Variants in SCFD2 observed in about 807,000 individuals in gnomAD.
SCFD2 encodes sec1 family domain-containing protein 2.
Under a neutral mutation model 58.9 loss-of-function variants are expected in SCFD2, and 54 were observed. The observed-to-expected ratio is 0.92, with a 90% confidence interval of 0.74 to 1.15. SCFD2 has a LOEUF of 1.15. SCFD2 is among the 50% of genes most tolerant of loss of function. The pLI is 0.00. For synonymous variants in SCFD2, 321 were observed against 335.9 expected (o/e 0.96, Z 0.49); for missense variants, 805 against 836.6 (o/e 0.96, Z 0.47).
chr4:53,004,244 G>A (rs1721923159), intron 5 of SCFD2, among the ~76,000 whole-genome samples: 1 of 152,176 alleles, frequency 6.6e-6, no homozygotes, highest in Non-Finnish European at 1.5e-5. Context: ...AATCCAGTGG[G>A]TATCTCAGCT....
intron 2 of SCFD2, among the ~76,000 whole-genome samples, chr4:53,346,905 C>T (rs141306420): frequency 6.6e-6 from 1 of 152,236 alleles, no homozygotes; most frequent in East Asian, 1.9e-4. Context: ...TTTATTTAAG[C>T]CCAATGTCTA....
At chr4:52,891,464 C>T (rs1049020666) in intron 7 of SCFD2, among the ~76,000 whole-genome samples, 12 of 152,098 alleles carry the variant, frequency 7.9e-5, no homozygotes, top group African/African-American at 2.9e-4. Flanking sequence ...AGGCAGAAGC[C>T]CCATTTCACA....
At chr4:53,245,306 G>A (rs1273949168) in intron 4 of SCFD2, among the ~76,000 whole-genome samples, 2 of 151,984 alleles carry the variant, frequency 1.3e-5, no homozygotes, top group Non-Finnish European at 2.9e-5. Context: ...ATCAAAAAAA[G>A]GGGAAAACTT....
chr4:53,154,325 G>C (rs991693421), intron 4 of SCFD2, among the ~76,000 whole-genome samples: 3 of 152,214 alleles, frequency 2.0e-5, no homozygotes, highest in African/African-American at 7.2e-5. Flanking sequence ...CATGGTAGAA[G>C]GCAAAGAGTG....
intron 4 of SCFD2, among the ~76,000 whole-genome samples, chr4:53,252,279 G>A (rs1217204563): frequency 6.8e-6 from 1 of 147,562 alleles, no homozygotes; most frequent in East Asian, 2.0e-4. Flanking sequence ...TGGGTAGGAA[G>A]AATCAATATC....
chr4:53,335,194 C>CAAAAAAAAAAAAAAAAA, intron 2 of SCFD2, among the ~76,000 whole-genome samples: 96 of 80,412 alleles, frequency 1.2e-3, no homozygotes, highest in Non-Finnish European at 1.7e-3. Flanking sequence ...GACTCCGTCT[C>CAAAAAAAAAAAAAAAAA]AAAAAAAAAA....
At chr4:52,932,463 T>A (rs1440687480) in intron 5 of SCFD2, among the ~76,000 whole-genome samples, 2 of 152,236 alleles carry the variant, frequency 1.3e-5, no homozygotes, top group Non-Finnish European at 1.5e-5. Flanking sequence ...AAATCTTTTT[T>A]TTCCATTATG....
At chr4:52,893,234 TTC>T (rs150709202) in intron 7 of SCFD2, among the ~76,000 whole-genome samples, 8 of 151,022 alleles carry the variant, frequency 5.3e-5, no homozygotes, top group African/African-American at 1.5e-4. Context: ...TTTCCCTTCT[TTC>T]TCTCTCTCTC....
intron 4 of SCFD2, among the ~76,000 whole-genome samples, chr4:53,238,647 G>A (rs2149021110): frequency 6.6e-6 from 1 of 152,038 alleles, no homozygotes; most frequent in Admixed American, 6.5e-5. Flanking sequence ...TCTCAGACGG[G>A]GTGGCCGGGC....
chr4:53,291,125 T>C (rs552728351), intron 3 of SCFD2, among the ~76,000 whole-genome samples: 2 of 152,184 alleles, frequency 1.3e-5, no homozygotes, highest in South Asian at 4.1e-4. Flanking sequence ...ATATCTAAAC[T>C]AGACAAAGAC....
At chr4:53,354,809 T>A (rs537758170) in intron 1 of SCFD2, among the ~76,000 whole-genome samples, 110 of 152,276 alleles carry the variant, frequency 7.2e-4, no homozygotes, top group South Asian at 1.5e-3. Flanking sequence ...TTTCTTTTTT[T>A]TAGAGGCAGA....
chr4:52,982,929 T>C (rs915350806), intron 5 of SCFD2, among the ~76,000 whole-genome samples: 1 of 152,184 alleles, frequency 6.6e-6, no homozygotes, highest in Non-Finnish European at 1.5e-5. Context: ...GTAAATATTT[T>C]CAGAAAATCC....
intron 2 of SCFD2, among the ~76,000 whole-genome samples, chr4:53,332,999 A>T (rs375717174): frequency 2.0e-5 from 3 of 150,556 alleles, no homozygotes; most frequent in Non-Finnish European, 1.5e-5. Flanking sequence ...CCATTCACAA[A>T]TGCTTCAAAG....
intron 5 of SCFD2, among the ~76,000 whole-genome samples, chr4:52,939,320 G>T (rs1387246326): frequency 6.6e-6 from 1 of 152,216 alleles, no homozygotes; most frequent in Non-Finnish European, 1.5e-5. Flanking sequence ...GCAATACTGA[G>T]AAGTAGGTAT....
intron 4 of SCFD2, among the ~76,000 whole-genome samples, chr4:53,146,205 A>G (rs769002069): frequency 4.6e-5 from 7 of 152,148 alleles, no homozygotes; most frequent in Non-Finnish European, 8.8e-5. Context: ...AATTGCCTTT[A>G]TATCTTCCAC....
intron 3 of SCFD2, among the ~76,000 whole-genome samples, chr4:53,311,679 AGG>A (rs1732696066): frequency 1.3e-5 from 2 of 151,014 alleles, no homozygotes; most frequent in African/African-American, 2.4e-5. Context: ...CTCTGTTGCC[AGG>A]CTGGAGTGCA....
chr4:53,279,418 T>C (rs913316502), intron 3 of SCFD2, among the ~76,000 whole-genome samples: 3 of 152,154 alleles, frequency 2.0e-5, no homozygotes, highest in Non-Finnish European at 2.9e-5. Context: ...ACCTGGCCCT[T>C]ATTTCACTTT....
chr4:53,030,987 TTA>T (rs1459898737), intron 5 of SCFD2, among the ~76,000 whole-genome samples: 1 of 152,192 alleles, frequency 6.6e-6, no homozygotes, highest in Non-Finnish European at 1.5e-5. Flanking sequence ...AACAAATGCA[TTA>T]TGCAAAGTGA....
At position 53,103,799 on chromosome 4, in the gene SCFD2, G is replaced by T. The variant is rs1467464343; in HGVS notation, c.1561+41534C>A. Among the ~76,000 whole-genome samples the T allele has an allele frequency of 9.1e-5, 13 of 143,076 alleles. No homozygotes were observed. In the Admixed American group the frequency reaches 9.2e-4, roughly 10 times the overall value. The allele number at this position is 143,076 out of a possible 152,430, so 93.9% of individuals were successfully genotyped here. A position where few individuals can be genotyped will look rare whatever the true frequency, so the allele number is the denominator to read the frequency against. On this transcript the variant is annotated intron_variant, in intron 5 of 8. Transcript: ENST00000401642. ...AAAAAAAAAAAAAAAAAGGCATGGG[G>T]TAGGGGATGGGAGAAAAGAAAAAAA...
Sources: allele counts gnomAD v4.1 joint callset (sites outside exome capture counted in the v4.1 genomes callset), GRCh38; gene constraint gnomAD v4.1.1; transcripts MANE v1.5; gene names NCBI Gene and HGNC (gene_info 2026-07-23, HGNC 2026-07-21).